SPTBN1: variants seen among roughly 807,000 people sequenced by gnomAD.
The protein encoded by SPTBN1 is spectrin beta chain, non-erythrocytic 1.
Under a neutral mutation model 266.4 loss-of-function variants are expected in SPTBN1, and 32 were observed. That is an observed-to-expected ratio of 0.12 (90% CI 0.09 to 0.16). The LOEUF (loss-of-function observed/expected upper bound fraction) is 0.16, where lower values mean the gene tolerates loss of function less well. SPTBN1 is among the 10% of genes least tolerant of loss of function. The pLI is 1.00. For missense variants in SPTBN1, 2,296 were observed against 3,067.1 expected (o/e 0.75, Z 5.94); for synonymous variants, 1,336 against 1,162.2 (o/e 1.15, Z -3.04).
chr2:54,581,384 G>A (rs1674888835), intron 2 of SPTBN1, among the ~76,000 whole-genome samples: 1 of 152,120 alleles, frequency 6.6e-6, no homozygotes, highest in Non-Finnish European at 1.5e-5. Context: ...TGAGACACAA[G>A]ATGTTGACTG....
intron 2 of SPTBN1, 92 bp downstream of exon 2, chr2:54,526,658 GTTCGAA>G: frequency 7.0e-7 from 1 of 1,424,986 alleles, no homozygotes; most frequent in Non-Finnish European, 9.3e-7. Flanking sequence ...ACGCTGTCAT[GTTCGAA>G]GGTTGTCTCA....
chr2:54,670,773 T>G lies in SPTBN1; in HGVS notation c.*2204T>G. ...AGATCTGTAGTTATGAAGCCAGGGT[T>G]TGGTGGTATTTGCTCTCTCTTGGTG... On this transcript the variant is annotated 3_prime_UTR_variant, in exon 36 of 36. Coordinates refer to ENST00000356805, the MANE Select transcript of SPTBN1 (RefSeq NM_003128.3). The G allele has an allele frequency of 2.5e-6, 1 of 398,440 alleles. No homozygotes were observed. Among genetic ancestry groups the G allele is most frequent in the Admixed American group, 4.4e-5 (1 of 22,726 alleles). 24.7% of individuals were successfully genotyped at this position (398,440 alleles called of 1,614,324 possible). A position where few individuals can be genotyped will look rare whatever the true frequency, so the allele number is the denominator to read the frequency against.
At position 54,664,204 on chromosome 2, in the gene SPTBN1, A is replaced by ATTCCAGTAT; in HGVS notation, c.6421-249_6421-248insTTCCAGTAT. The ATTCCAGTAT allele has an allele frequency of 2.2e-6, 1 of 458,680 alleles. No homozygotes were observed. The highest frequency in any genetic ancestry group is 3.6e-5 in the Admixed American group (1 of 27,470). 28.4% of individuals were successfully genotyped at this position (458,680 alleles called of 1,614,324 possible). On this transcript the variant is annotated intron_variant, in intron 32 of 35. Transcript: ENST00000356805. The surrounding 1 kb of genome is among the most constrained non-coding windows in gnomAD (Gnocchi z 5.6). ...AGTTATATTTATTGATCAGAGGAAT[A>ATTCCAGTAT]GAGTGCAGTAAAACTCATACTGGCA...
chr2:54,565,873 A>C (rs1673625631), intron 2 of SPTBN1, among the ~76,000 whole-genome samples: 1 of 152,254 alleles, frequency 6.6e-6, no homozygotes, highest in African/African-American at 2.4e-5. Flanking sequence ...ATATAAATGA[A>C]CACTGACAAT....
At chr2:54,627,675 C>CTTTA (rs749018772) in intron 12 of SPTBN1, among the ~76,000 whole-genome samples, 5 of 152,144 alleles carry the variant, frequency 3.3e-5, no homozygotes, top group South Asian at 2.1e-4. Flanking sequence ...AGTCTATCAC[C>CTTTA]TTTATTTATT....
At chr2:54,546,782 A>G (rs1415377013) in intron 2 of SPTBN1, 4 of 152,178 alleles carry the variant, frequency 2.6e-5, no homozygotes, top group African/African-American at 9.6e-5. Context: ...AGGGTGGAAG[A>G]TAGGACTTGG....
chr2:54,643,078 A>T lies in SPTBN1; in HGVS notation c.3954A>T (p.Ala1318=), dbSNP rs113632221. ...ACAGTAAATGGTTGAAGCATCAAGC[A>T]TTTATGGCAGAACTTGCATCCAACA... ...NLHSKWLKHQ[A]FMAELASNKE... Residue 1318 remains alanine (A), a synonymous_variant, in exon 19 of 36, where the codon GCA becomes GCT. Coordinates refer to ENST00000356805, the MANE Select transcript of SPTBN1 (RefSeq NM_003128.3). 1.9e-5 allele frequency: 31 copies of T among 1,614,086 alleles called. No individual in the cohort carries two copies. In the Admixed American group the frequency reaches 2.7e-4, roughly 14 times the overall value.
chr2:54,633,865 A>G (rs563701467), intron 17 of SPTBN1, among the ~76,000 whole-genome samples: 1 of 152,142 alleles, frequency 6.6e-6, no homozygotes, highest in African/African-American at 2.4e-5. Flanking sequence ...ACCACTTCCA[A>G]TCTTTTTTTC....
At chr2:54,572,961 G>C (rs1054103111) in intron 2 of SPTBN1, among the ~76,000 whole-genome samples, 1 of 152,162 alleles carries the variant, frequency 6.6e-6, no homozygotes, top group Non-Finnish European at 1.5e-5. Flanking sequence ...GAAGCTGACT[G>C]CCTTTGTGTT....
At chr2:54,632,900 T>G (rs1438829932) in intron 17 of SPTBN1, 132 bp downstream of exon 17, 12 of 938,036 alleles carry the variant, frequency 1.3e-5, no homozygotes, top group Non-Finnish European at 1.7e-5. Flanking sequence ...CCAGCAGAAG[T>G]TCATCTACCC....
At chr2:54,481,542 T>G (rs1668106953) in intron 1 of SPTBN1, among the ~76,000 whole-genome samples, 1 of 152,078 alleles carries the variant, frequency 6.6e-6, no homozygotes. Flanking sequence ...AATGATACAC[T>G]TGGTGAAATT....
intron 2 of SPTBN1, among the ~76,000 whole-genome samples, chr2:54,566,106 C>G (rs1242914613): frequency 6.6e-6 from 1 of 151,914 alleles, no homozygotes; most frequent in Admixed American, 6.6e-5. Context: ...AACTTTCTAT[C>G]AACTCTGAAA....
intron 3 of SPTBN1, among the ~76,000 whole-genome samples, chr2:54,604,526 C>T (rs759820419): frequency 2.0e-5 from 3 of 152,286 alleles, no homozygotes; most frequent in Non-Finnish European, 4.4e-5. Context: ...TCACCCAGCC[C>T]CCTCCTTCCT....
chr2:54,469,276 A>T lies in SPTBN1; in HGVS notation c.-48+12758A>T, dbSNP rs552625363. On this transcript the variant is annotated intron_variant, in intron 1 of 35. Coordinates refer to ENST00000356805, the MANE Select transcript of SPTBN1 (RefSeq NM_003128.3). ...GGGGAGAAATATTTCATTGGAAGAT[A>T]AAAAAAGCTCTTTCCAGCAATTTCC... Among the ~76,000 whole-genome samples, 10 of 152,296 alleles carry T rather than the reference A, an allele frequency of 6.6e-5. No individual in the cohort carries two copies. The South Asian group carries it at 1.9e-3, about 28-fold the overall frequency.
At chr2:54,511,866 A>G (rs1669873186) in intron 1 of SPTBN1, among the ~76,000 whole-genome samples, 1 of 152,062 alleles carries the variant, frequency 6.6e-6, no homozygotes, top group Non-Finnish European at 1.5e-5. Flanking sequence ...GCTAGACTCC[A>G]TCTCAAAAAA....
intron 2 of SPTBN1, among the ~76,000 whole-genome samples, chr2:54,549,031 T>G (rs1672411686): frequency 3.3e-5 from 5 of 152,212 alleles, no homozygotes; most frequent in Non-Finnish European, 7.4e-5. Context: ...CTGGGCACGG[T>G]GGCTCACGCC....
chr2:54,521,240 T>C (rs1670421590), intron 1 of SPTBN1, among the ~76,000 whole-genome samples: 1 of 152,214 alleles, frequency 6.6e-6, no homozygotes, highest in African/African-American at 2.4e-5. Context: ...TTCCATACTG[T>C]TGCCCTCACT....
Position 54,665,935 on chromosome 2 carries a change from G to T in SPTBN1, c.6680G>T (p.Cys2227Phe). The change falls in exon 34 of 36, where the codon TGT becomes TTT. Residue 2227 changes from cysteine to phenylalanine, a missense_variant. By Grantham distance (205) the Cys-to-Phe change is radical. This residue lies in a region of SPTBN1 where 347 missense variants were observed against 368.5 expected (regional missense o/e 0.94). Coordinates refer to ENST00000356805, the MANE Select transcript of SPTBN1 (RefSeq NM_003128.3). Reference protein sequence around the residue: ...ASSRSWHNVYCVINNQEMGFY... With the variant: ...ASSRSWHNVYFVINNQEMGFY... Reference sequence around the variant, plus strand: ...CACAGGTCCTGGCACAATGTTTATTGTGTCATAAATAACCAAGAAATGGGT... The same window carrying T: ...CACAGGTCCTGGCACAATGTTTATTTTGTCATAAATAACCAAGAAATGGGT... 1 of 1,613,588 alleles carries T rather than the reference G, an allele frequency of 6.2e-7. No homozygotes were observed. Among genetic ancestry groups the T allele is most frequent in the Non-Finnish European group, 8.5e-7 (1 of 1,179,846 alleles).
At chr2:54,605,715 G>A (rs371996173) in intron 3 of SPTBN1, among the ~76,000 whole-genome samples, 73 of 152,338 alleles carry the variant, frequency 4.8e-4, no homozygotes, top group Admixed American at 8.5e-4. Flanking sequence ...GAAGCAGATA[G>A]AACACACGTT....
Sources: gnomAD v4.1 joint callset for allele counts (sites outside exome capture counted in the v4.1 genomes callset) on GRCh38, gnomAD v4.1.1 for gene constraint, gnomAD v4.1.1 regional missense constraint, Gnocchi (gnomAD v3.1) non-coding constraint, MANE v1.5 for transcripts, NCBI Gene and HGNC (gene_info 2026-07-23, HGNC 2026-07-21) for gene names.